ADAMTS17: variants seen among roughly 807,000 people sequenced by gnomAD.
ADAMTS17 encodes the protein A disintegrin and metalloproteinase with thrombospondin motifs 17.
A neutral mutation model predicts 141.5 loss-of-function variants in ADAMTS17; 113 were observed. That is an observed-to-expected ratio of 0.80 (90% CI 0.69 to 0.93). The LOEUF is 0.93. Ranked by LOEUF, ADAMTS17 falls within the 40% of genes least tolerant of loss-of-function variation. The pLI, the probability that ADAMTS17 is intolerant of heterozygous loss-of-function variation, is 0.00. For synonymous variants in ADAMTS17, 768 were observed against 630.6 expected (o/e 1.22, Z -3.27); for missense variants, 1,659 against 1,517.9 (o/e 1.09, Z -1.54).
At chr15:100,221,265 C>T (rs1567378736) in intron 7 of ADAMTS17, among the ~76,000 whole-genome samples, 3 of 143,526 alleles carry the variant, frequency 2.1e-5, no homozygotes, top group Admixed American at 1.4e-4. Flanking sequence ...TAAAGCTACG[C>T]CAATAAACTT....
At chr15:100,054,231 G>A (rs946445571) in intron 15 of ADAMTS17, among the ~76,000 whole-genome samples, 177 bp from the exon 16 acceptor site, 1 of 152,192 alleles carries the variant, frequency 6.6e-6, no homozygotes, top group Admixed American at 6.5e-5. Flanking sequence ...CAAAAGCCTG[G>A]ATCGCAGGGA....
intron 3 of ADAMTS17, 81 bp from the exon 4 acceptor site, chr15:100,281,482 C>G (rs920234589): frequency 2.0e-6 from 3 of 1,532,154 alleles, no homozygotes; most frequent in Non-Finnish European, 2.6e-6. Flanking sequence ...TTCTGTCAAG[C>G]CTGCCCGAGA....
chr15:100,216,503 G>T (rs919280466), intron 7 of ADAMTS17, among the ~76,000 whole-genome samples: 3 of 152,170 alleles, frequency 2.0e-5, no homozygotes, highest in African/African-American at 7.2e-5. Context: ...CTGCGCTGGG[G>T]GCCAGGACAA....
intron 10 of ADAMTS17, among the ~76,000 whole-genome samples, chr15:100,145,605 A>T (rs1372716398): frequency 6.6e-6 from 1 of 152,174 alleles, no homozygotes; most frequent in Non-Finnish European, 1.5e-5. Context: ...GGCCTGCCTC[A>T]CGAAGACACA....
At chr15:100,083,811 C>A (rs984343351) in intron 15 of ADAMTS17, among the ~76,000 whole-genome samples, 2 of 151,224 alleles carry the variant, frequency 1.3e-5, no homozygotes, top group African/African-American at 2.4e-5. Context: ...GCCAGAGCAG[C>A]TGGCACTTGG....
At chr15:100,312,571 G>C (rs2045439944) in intron 3 of ADAMTS17, among the ~76,000 whole-genome samples, 1 of 152,212 alleles carries the variant, frequency 6.6e-6, no homozygotes, top group African/African-American at 2.4e-5. Flanking sequence ...CCTGAGTCTT[G>C]CCTTCCTGCC....
At chr15:100,315,060 C>T (rs1042366913) in intron 3 of ADAMTS17, among the ~76,000 whole-genome samples, 1 of 152,208 alleles carries the variant, frequency 6.6e-6, no homozygotes, top group Non-Finnish European at 1.5e-5. Context: ...AATGGCATGA[C>T]CTGGGGCAGG....
intron 8 of ADAMTS17, among the ~76,000 whole-genome samples, chr15:100,179,245 T>G (rs2040441042): frequency 6.6e-6 from 1 of 152,226 alleles, no homozygotes. Flanking sequence ...CGTCTTAGCC[T>G]CTGGTAACCA....
At chr15:100,103,336 G>A (rs182583046) in intron 14 of ADAMTS17, among the ~76,000 whole-genome samples, 1 of 152,338 alleles carries the variant, frequency 6.6e-6, no homozygotes, top group East Asian at 1.9e-4. Flanking sequence ...AGGCTTAAGT[G>A]CCAGGCACGC....
At chr15:100,297,991 A>G (rs2044884219) in intron 3 of ADAMTS17, among the ~76,000 whole-genome samples, 1 of 151,998 alleles carries the variant, frequency 6.6e-6, no homozygotes, top group South Asian at 2.1e-4. Flanking sequence ...GTGCCCAGGA[A>G]GGAAGGAAGG....
intron 15 of ADAMTS17, among the ~76,000 whole-genome samples, chr15:100,087,490 A>T (rs1302394084): frequency 2.0e-5 from 3 of 152,254 alleles, no homozygotes; most frequent in Admixed American, 6.5e-5. Context: ...TCATTTTATG[A>T]GGCCAGCATC....
chr15:100,258,846 T>C (rs1397780169), intron 6 of ADAMTS17, among the ~76,000 whole-genome samples: 1 of 152,212 alleles, frequency 6.6e-6, no homozygotes, highest in Admixed American at 6.5e-5. Context: ...GTCTAACTCA[T>C]AGCATCTTTG....
chr15:100,205,833 G>A (rs762156067), intron 7 of ADAMTS17, among the ~76,000 whole-genome samples: 1 of 152,248 alleles, frequency 6.6e-6, no homozygotes, highest in African/African-American at 2.4e-5. Flanking sequence ...AAGGTGAGCA[G>A]GGATGTTCCA....
At chr15:100,203,933 T>C (rs1036574888) in intron 7 of ADAMTS17, among the ~76,000 whole-genome samples, 11 of 151,918 alleles carry the variant, frequency 7.2e-5, no homozygotes, top group Admixed American at 1.3e-4. Context: ...TGAATTCTTC[T>C]GACACCTGGA....
At chr15:100,123,705 T>G (rs1484972431) in intron 12 of ADAMTS17, among the ~76,000 whole-genome samples, 4 of 152,206 alleles carry the variant, frequency 2.6e-5, no homozygotes, top group Admixed American at 2.6e-4. Flanking sequence ...ACTGCACCCT[T>G]TGGGTGAGGA....
chr15:99,992,146 A>C (rs1311776736), intron 20 of ADAMTS17, among the ~76,000 whole-genome samples: 4 of 152,056 alleles, frequency 2.6e-5, no homozygotes, highest in African/African-American at 9.7e-5. Context: ...CTGTGTAACA[A>C]ACCTGCACTT....
intron 3 of ADAMTS17, among the ~76,000 whole-genome samples, chr15:100,289,441 A>T (rs2044554369): frequency 6.6e-6 from 1 of 152,174 alleles, no homozygotes; most frequent in Non-Finnish European, 1.5e-5. Flanking sequence ...TACTAAAAGC[A>T]TTATGAAATA....
At chr15:100,046,164 T>A (rs2031667478) in intron 18 of ADAMTS17, among the ~76,000 whole-genome samples, 1 of 152,194 alleles carries the variant, frequency 6.6e-6, no homozygotes, top group Non-Finnish European at 1.5e-5. Context: ...TACAGGTGTG[T>A]GCCCCCTCAC....
chr15:100,051,612 G>A lies in ADAMTS17; in HGVS notation c.2415C>T (p.Thr805=). 6.2e-7 allele frequency: 1 copy of A among 1,614,108 alleles called. No individual in the cohort carries two copies. The highest frequency in any genetic ancestry group is 1.1e-5 in the South Asian group (1 of 91,088). Residue 805 remains threonine, a synonymous_variant, in exon 17 of 22, where the codon ACC becomes ACT. Transcript: ENST00000268070. ...EKPQDSLFIW[T]HSGWEGCSVQ... is the part of the protein sequence containing the mutation. Reference sequence around the variant, plus strand: ...CACTGCACCCTTCCCAGCCGCTGTGGGTCCAGATGAACAAAGAGTCCTGCG... The same window carrying A: ...CACTGCACCCTTCCCAGCCGCTGTGAGTCCAGATGAACAAAGAGTCCTGCG...
Sources: gnomAD v4.1 joint callset for allele counts (sites outside exome capture counted in the v4.1 genomes callset) on GRCh38, gnomAD v4.1.1 for gene constraint, MANE v1.5 for transcripts, NCBI Gene and HGNC (gene_info 2026-07-23, HGNC 2026-07-21) for gene names.